Variants in BMPR1B observed in about 807,000 individuals in gnomAD.
BMPR1B encodes bone morphogenetic protein receptor type-1B.
In BMPR1B, 12 loss-of-function variants were observed where a neutral mutation model predicts 59.1. The ratio of observed to expected loss-of-function variants is 0.20; its 90% CI spans 0.13 to 0.33. The LOEUF is 0.33. BMPR1B is among the 10% of genes least tolerant of loss of function. BMPR1B has a pLI of 1.00. For synonymous variants in BMPR1B, 237 were observed against 207.3 expected, an observed-to-expected ratio of 1.14 and a Z score of -1.23; for missense variants, 550 against 610.9, an observed-to-expected ratio of 0.90 and a Z score of 1.05.
chr4:94,882,967 C>CGTGTGTGT (rs375751655), intron 2 of BMPR1B, among the ~76,000 whole-genome samples: 2 of 136,718 alleles, frequency 1.5e-5, no homozygotes, highest in African/African-American at 5.4e-5. Flanking sequence ...TGTGTGTGTG[C>CGTGTGTGT]GTGTGTGTGT....
chr4:94,760,047 T>C (rs1387357367), intron 1 of BMPR1B, among the ~76,000 whole-genome samples: 1 of 152,234 alleles, frequency 6.6e-6, no homozygotes, highest in African/African-American at 2.4e-5. Flanking sequence ...AGTTACATGA[T>C]ATAAGTTGAT....
chr4:94,868,768 T>C (rs1560524087), intron 1 of BMPR1B, among the ~76,000 whole-genome samples: 1 of 152,228 alleles, frequency 6.6e-6, no homozygotes, highest in Non-Finnish European at 1.5e-5. Flanking sequence ...GACTTATTAT[T>C]AATCAAAGGT....
At chr4:95,021,780 TG>T (rs1724000204) in intron 3 of BMPR1B, among the ~76,000 whole-genome samples, 1 of 152,230 alleles carries the variant, frequency 6.6e-6, no homozygotes, top group Non-Finnish European at 1.5e-5. Flanking sequence ...AAATTTAAAA[TG>T]AACACTATTA....
At chr4:94,996,321 C>T (rs1325857011) in intron 3 of BMPR1B, 187 bp downstream of exon 3, 1 of 152,098 alleles carries the variant, frequency 6.6e-6, no homozygotes, top group Non-Finnish European at 1.5e-5. Context: ...GGTACATTCA[C>T]AAGACGTTTC....
intron 2 of BMPR1B, among the ~76,000 whole-genome samples, chr4:94,976,501 C>T (rs1216965838): frequency 6.6e-6 from 1 of 152,188 alleles, no homozygotes; most frequent in Admixed American, 6.5e-5. Context: ...CTCCTACATG[C>T]AAAATACACT....
intron 1 of BMPR1B, among the ~76,000 whole-genome samples, chr4:94,764,190 C>T (rs1278582382): frequency 2.0e-5 from 3 of 152,142 alleles, no homozygotes; most frequent in Non-Finnish European, 1.5e-5. Flanking sequence ...CCTTCTACCT[C>T]ATGCTGTCTG....
chr4:94,891,494 T>C (rs979795827), intron 2 of BMPR1B, among the ~76,000 whole-genome samples: 9 of 152,116 alleles, frequency 5.9e-5, no homozygotes, highest in Non-Finnish European at 1.0e-4. Context: ...AGAAGTATTA[T>C]AGTGGCTTTC....
At chr4:94,974,295 A>C (rs1258157024) in intron 2 of BMPR1B, among the ~76,000 whole-genome samples, 1 of 152,144 alleles carries the variant, frequency 6.6e-6, no homozygotes. Flanking sequence ...TATTATTTTT[A>C]GCTTGGTATT....
chr4:94,802,134 C>T (rs1723432302), intron 1 of BMPR1B, among the ~76,000 whole-genome samples: 1 of 152,302 alleles, frequency 6.6e-6, no homozygotes, highest in African/African-American at 2.4e-5. Flanking sequence ...TAGTTTCTTA[C>T]CACCGTTGTG....
chr4:95,001,242 T>C (rs757895238), intron 3 of BMPR1B, among the ~76,000 whole-genome samples: 11 of 152,200 alleles, frequency 7.2e-5, no homozygotes, highest in Non-Finnish European at 1.5e-4. Flanking sequence ...CAGCTTTTCT[T>C]GTCTGAGTGT....
At chr4:95,111,863 T>A (rs1731653948) in intron 4 of BMPR1B, among the ~76,000 whole-genome samples, 1 of 152,104 alleles carries the variant, frequency 6.6e-6, no homozygotes, top group South Asian at 2.1e-4. Flanking sequence ...CTTTTCTTTC[T>A]TTTTCATATT....
At chr4:94,965,261 C>A (rs1006705437) in intron 2 of BMPR1B, among the ~76,000 whole-genome samples, 1 of 152,086 alleles carries the variant, frequency 6.6e-6, no homozygotes, top group African/African-American at 2.4e-5. Context: ...TACATAGTAT[C>A]TTTTGTTGTC....
At chr4:94,760,524 G>T (rs1194404084) in intron 1 of BMPR1B, among the ~76,000 whole-genome samples, 1 of 152,088 alleles carries the variant, frequency 6.6e-6, no homozygotes, top group Non-Finnish European at 1.5e-5. Flanking sequence ...AGCTCTTTCT[G>T]AGCACTCAAA....
chr4:95,142,069 C>T (rs1196131883), intron 10 of BMPR1B, among the ~76,000 whole-genome samples: 2 of 152,208 alleles, frequency 1.3e-5, no homozygotes, highest in Non-Finnish European at 2.9e-5. Flanking sequence ...CCATACCCAC[C>T]TTATGTTGAA....
At chr4:94,901,118 CA>C (rs1345379071) in intron 2 of BMPR1B, among the ~76,000 whole-genome samples, 1 of 151,924 alleles carries the variant, frequency 6.6e-6, no homozygotes. Context: ...GAAACTCAAA[CA>C]AGTATTCTCT....
chr4:94,873,470 G>C (rs1025427207), intron 1 of BMPR1B, among the ~76,000 whole-genome samples: 2 of 150,836 alleles, frequency 1.3e-5, no homozygotes, highest in Non-Finnish European at 2.9e-5. Context: ...GCAGTGGCGC[G>C]ATCTCGGCTC....
chr4:94,978,949 T>TACACACACAC (rs10649707), intron 2 of BMPR1B, among the ~76,000 whole-genome samples: 56 of 147,808 alleles, frequency 3.8e-4, no homozygotes, highest in African/African-American at 8.2e-4. Context: ...CACACATACA[T>TACACACACAC]ACACACACAC....
intron 3 of BMPR1B, among the ~76,000 whole-genome samples, chr4:95,057,080 C>T (rs1041210846): frequency 5.9e-5 from 9 of 152,134 alleles, no homozygotes; most frequent in African/African-American, 2.2e-4. Context: ...CAAACTCTGT[C>T]CATTTTATTT....
At chr4:95,121,078 G>C (rs1453261790) in intron 6 of BMPR1B, among the ~76,000 whole-genome samples, 1 of 152,150 alleles carries the variant, frequency 6.6e-6, no homozygotes, top group African/African-American at 2.4e-5. Context: ...AAACTGCTGG[G>C]ATTACAGGCG....
Sources: gnomAD v4.1 joint callset for allele counts (sites outside exome capture counted in the v4.1 genomes callset) on GRCh38, gnomAD v4.1.1 for gene constraint, MANE v1.5 for transcripts, NCBI Gene and HGNC (gene_info 2026-07-23, HGNC 2026-07-21) for gene names.